Variants in BRPF1 observed in about 807,000 individuals in gnomAD.
BRPF1 encodes the protein bromodomain and PHD finger containing 1, also known as peregrin.
Under a neutral mutation model 115.0 loss-of-function variants are expected in BRPF1, and 15 were observed. The ratio of observed to expected loss-of-function variants is 0.13; its 90% confidence interval spans 0.09 to 0.20. The LOEUF (loss-of-function observed/expected upper bound fraction) is 0.20, where lower values mean the gene tolerates loss of function less well. Among genes scored for constraint, BRPF1 ranks in the 10% least tolerant of loss-of-function variants. BRPF1 has a pLI of 1.00. For synonymous variants in BRPF1, 647 were observed against 619.8 expected (o/e 1.04, Z -0.65); for missense variants, 1,118 against 1,638.3 (o/e 0.68, Z 5.48).
Position 9,734,245 on chromosome 3 carries a change from C to T in BRPF1, c.105C>T (p.Tyr35=), listed in dbSNP as rs773828051. 5.0e-6 allele frequency: 8 copies of T among 1,614,004 alleles called. No homozygotes were observed. Among genetic ancestry groups the T allele is most frequent in the East Asian group, 4.5e-5 (2 of 44,898 alleles). Residue 35 remains tyrosine (Y), a synonymous_variant, in exon 2 of 14, where the codon TAC becomes TAT. Coordinates refer to ENST00000383829, the MANE Select transcript of BRPF1 (RefSeq NM_001003694.2). This position sits in a 1 kb window ranked among gnomAD's most constrained non-coding sequence, Gnocchi z 5.7. ...CCTGCCGAAAGGTCTACAAGAGTTA[C>T]AGTGGTATTGAGTACCACCTGTACC... ...VETCRKVYKS[Y]SGIEYHLYHY...
At chr3:9,737,463 A>C (rs898295364) in intron 2 of BRPF1, among the ~76,000 whole-genome samples, 2 of 152,214 alleles carry the variant, frequency 1.3e-5, no homozygotes, top group African/African-American at 2.4e-5. Flanking sequence ...TAGCATCACC[A>C]CTTTACAGAT....
In BRPF1 at chr3:9,743,588, A is replaced by G; in HGVS notation, c.2322A>G (p.Glu774=). 1 of 1,612,730 alleles carries G rather than the reference A, an allele frequency of 6.2e-7. No homozygotes were observed. Among genetic ancestry groups the G allele is most frequent in the Non-Finnish European group, 8.5e-7 (1 of 1,179,100 alleles). The change falls in exon 8 of 14, where the codon GAA becomes GAG. Residue 774 remains glutamate (E), a synonymous_variant. Transcript: ENST00000383829. The surrounding 1 kb of genome is among the most constrained non-coding windows in gnomAD (Gnocchi z 6.1). ...CAACCCTACCCCTAGCAGCCGAGGA[A>G]GAGCGGCTGGTCTTGCTGGAGAACC... ...ATHHTEDAAE[E]ERLVLLENQK...
intron 4 of BRPF1, 137 bp from the exon 5 acceptor site, chr3:9,741,169 GAC>G: frequency 8.6e-7 from 1 of 1,157,248 alleles, no homozygotes; most frequent in Non-Finnish European, 1.2e-6. Flanking sequence ...AGGCCTTGGG[GAC>G]ACACAGATTG....
chr3:9,744,557 A>G (rs2077090396), intron 9 of BRPF1, 49 bp downstream of exon 9: 2 of 1,371,996 alleles, frequency 1.5e-6, no homozygotes, highest in East Asian at 4.9e-5. Flanking sequence ...CAAAGCTGCC[A>G]TTCTTCCCAG....
Position 9,744,519 on chromosome 3 carries a change from CCAT to C in BRPF1, c.2920+14_2920+16del. ...AAGACCCCCCAATGGGTGAGCCTTA[CCAT>C]CACCCAGCCCCCCAAGAGAGTGAGC... On this transcript the variant is annotated intron_variant, in intron 9 of 13. Transcript: ENST00000383829. 1 of 1,500,192 alleles carries C rather than the reference CCAT, an allele frequency of 6.7e-7. No individual in the cohort carries two copies. The highest frequency in any genetic ancestry group is 8.9e-7 in the Non-Finnish European group (1 of 1,125,062). The allele number at this position is 1,500,192 out of a possible 1,614,324, so 92.9% of individuals were successfully genotyped here.
Position 9,741,427 on chromosome 3 carries a change from CA to C in BRPF1, c.1846del (p.Arg616GlyfsTer15). On this transcript the variant is annotated frameshift_variant, in exon 5 of 14. Transcript: ENST00000383829. LOFTEE classifies it high-confidence loss of function. The part of the protein sequence containing the change: ...VELIRKREKL[K>X]RETIKVQQIA... ...AATTGATCCGCAAGCGGGAAAAACT[CA>C]AAAGGGAGACGGTGAGTGCTCCTGG... 1.3e-6 allele frequency: 2 copies of C among 1,596,432 alleles called. No individual in the cohort carries two copies. The highest frequency in any genetic ancestry group is 2.3e-5 in the East Asian group (1 of 44,300).
At position 9,739,837 on chromosome 3, in the gene BRPF1, T is replaced by G. The variant is rs1260547847; in HGVS notation, c.1438T>G (p.Ser480Ala). Residue 480 changes from serine to alanine, a missense_variant, in exon 3 of 14, where the codon TCA becomes GCA. By Grantham distance (99) the Ser-to-Ala change is moderately conservative. This residue lies in a region of BRPF1 where 87 missense variants were observed against 93.4 expected (regional missense o/e 0.93). Coordinates refer to ENST00000383829, the MANE Select transcript of BRPF1 (RefSeq NM_001003694.2). ...GGAGGATGAGGGTAAGGGCTGGAGC[T>G]CAGAGAAAGTCAAGAAGGCCAAGGC... is the stretch of plus-strand genomic sequence containing the variant. ...EEEDEGKGWSSEKVKKAKAKS... is the reference protein window; with the variant it reads ...EEEDEGKGWSAEKVKKAKAKS... 1 of 1,597,194 alleles carries G rather than the reference T, an allele frequency of 6.3e-7. No homozygotes were observed. The highest frequency in any genetic ancestry group is 8.5e-7 in the Non-Finnish European group (1 of 1,171,782).
rs1575164647 is a variant in BRPF1 at position 9,744,026 on chromosome 3, A to G, written c.2635+125A>G. ...CACAGCTAGCTGTACTTTCTCCCTC[A>G]TTCCCCAATCAGGGGCCTCTTAGCT... On this transcript the variant is annotated intron_variant, in intron 8 of 13. Coordinates refer to ENST00000383829, the MANE Select transcript of BRPF1 (RefSeq NM_001003694.2). 1.7e-5 allele frequency: 23 copies of G among 1,331,762 alleles called. No homozygotes were observed. In the East Asian group the frequency reaches 5.5e-4, roughly 32 times the overall value. 82.5% of individuals were successfully genotyped at this position (1,331,762 alleles called of 1,614,324 possible). A position where few individuals can be genotyped will look rare whatever the true frequency, so the allele number is the denominator to read the frequency against.
rs374269970 is a variant in BRPF1, at chr3:9,747,375, A to G, written c.*26A>G. ...TACTGCTCAACACAGCCCAACCTAT[A>G]GTGCCCTGTGACTTCTCTCCTCCCC... On this transcript the variant is annotated 3_prime_UTR_variant, in exon 14 of 14. Coordinates refer to ENST00000383829, the MANE Select transcript of BRPF1 (RefSeq NM_001003694.2). This position sits in a 1 kb window ranked among gnomAD's most constrained non-coding sequence, Gnocchi z 5.6. The G allele has an allele frequency of 1.9e-6, 3 of 1,604,860 alleles. No homozygotes were observed. Among genetic ancestry groups the G allele is most frequent in the East Asian group, 2.2e-5 (1 of 44,662 alleles).
Position 9,745,495 on chromosome 3 carries a change from TAA to T in BRPF1, c.3069-77_3069-76del. On this transcript the variant is annotated intron_variant, in intron 10 of 13. Transcript: ENST00000383829. This position sits in a 1 kb window ranked among gnomAD's most constrained non-coding sequence, Gnocchi z 5.1. ...CAAAAGTCTCAGACCCTGCGGGCTT[TAA>T]GAGCTGAGGGCACATACCATGCTGT... is the stretch of plus-strand genomic sequence containing the variant. The T allele has an allele frequency of 1.3e-6, 2 of 1,524,962 alleles. No individual in the cohort carries two copies. The highest frequency in any genetic ancestry group is 2.3e-5 in the South Asian group (2 of 87,528). The allele number at this position is 1,524,962 out of a possible 1,614,324, so 94.5% of individuals were successfully genotyped here.
chr3:9,739,805 A>G lies in BRPF1; in HGVS notation c.1406A>G (p.Asp469Gly). ...LSHSEGEEDE[D>G]EEEDEGKGWS... The stretch of plus-strand genomic sequence containing the variant: ...CACAGCGAGGGTGAGGAGGATGAAG[A>G]TGAGGAGGAGGATGAGGGTAAGGGC... The change falls in exon 3 of 14, where the codon GAT (aspartate) becomes GGT (glycine). Residue 469 changes from aspartate (D) to glycine (G), a missense_variant. Transcript: ENST00000383829. The G allele has an allele frequency of 6.2e-7, 1 of 1,611,816 alleles. No individual in the cohort carries two copies. Among genetic ancestry groups the G allele is most frequent in the Non-Finnish European group, 8.5e-7 (1 of 1,178,910 alleles).
chr3:9,732,976 T>G (rs1388731601), intron 1 of BRPF1, among the ~76,000 whole-genome samples: 1 of 152,030 alleles, frequency 6.6e-6, no homozygotes, highest in Non-Finnish European at 1.5e-5. Context: ...CACCCAGGAA[T>G]GTTGGGGAGC....
At chr3:9,737,846 A>T (rs1456526602) in intron 2 of BRPF1, among the ~76,000 whole-genome samples, 1 of 152,132 alleles carries the variant, frequency 6.6e-6, no homozygotes, top group African/African-American at 2.4e-5. Context: ...TATATAAATA[A>T]ATGTAAAGGC....
At position 9,734,506 on chromosome 3, in the gene BRPF1, TGAGGAAGCCCCC is replaced by T; in HGVS notation, c.372_383del (p.Glu128_Glu131del). ...ACAACCTGGATGTGGTGTCAGAGGA[TGAGGAAGCCCCC>T]GAGGAGGCCCCTGAGAATGGCAGCA... On this transcript the variant is annotated inframe_deletion, in exon 2 of 14. Coordinates refer to ENST00000383829, the MANE Select transcript of BRPF1 (RefSeq NM_001003694.2). This position sits in a 1 kb window ranked among gnomAD's most constrained non-coding sequence, Gnocchi z 5.7. 1.9e-6 allele frequency: 3 copies of T among 1,614,030 alleles called. No individual in the cohort carries two copies. The highest frequency in any genetic ancestry group is 2.5e-6 in the Non-Finnish European group (3 of 1,180,024).
At position 9,743,710 on chromosome 3, in the gene BRPF1, C is replaced by A; in HGVS notation, c.2444C>A (p.Ala815Glu). 9.3e-6 allele frequency: 15 copies of A among 1,614,162 alleles called. No homozygotes were observed. Among genetic ancestry groups the A allele is most frequent in the Non-Finnish European group, 1.2e-5 (14 of 1,180,028 alleles). ...SKQSVGRSRR[A>E]KMIKKEMTAL... ...CAGAGTGTGGGCCGCTCACGGCGTGCAAAGATGATCAAGAAAGAGATGACG... is the reference window on the plus strand; with the variant it reads ...CAGAGTGTGGGCCGCTCACGGCGTGAAAAGATGATCAAGAAAGAGATGACG... Residue 815 changes from alanine (A) to glutamate (E), a missense_variant, in exon 8 of 14, where the codon GCA becomes GAA. This residue lies in a region of BRPF1 where 223 missense variants were observed against 240.7 expected (regional missense o/e 0.93). Transcript: ENST00000383829. This position sits in a 1 kb window ranked among gnomAD's most constrained non-coding sequence, Gnocchi z 6.1.
Position 9,741,453 on chromosome 3 carries a change from G to C in BRPF1, c.1854+14G>C, listed in dbSNP as rs759995460. The C allele has an allele frequency of 1.3e-6, 2 of 1,556,020 alleles. No homozygotes were observed. Among genetic ancestry groups the C allele is most frequent in the Non-Finnish European group, 1.7e-6 (2 of 1,151,986 alleles). On this transcript the variant is annotated intron_variant, in intron 5 of 13. Coordinates refer to ENST00000383829, the MANE Select transcript of BRPF1 (RefSeq NM_001003694.2). ...AAAAGGGAGACGGTGAGTGCTCCTG[G>C]GCCAGCCCTATTTTATAAAAGAAAA...
intron 2 of BRPF1, among the ~76,000 whole-genome samples, chr3:9,737,554 G>T (rs2076962825): frequency 6.6e-6 from 1 of 152,260 alleles, no homozygotes; most frequent in African/African-American, 2.4e-5. Flanking sequence ...GAGCCTGTGT[G>T]TGCTGGCCCA....
At chr3:9,736,257 C>T (rs1454296319) in intron 2 of BRPF1, among the ~76,000 whole-genome samples, 2 of 152,182 alleles carry the variant, frequency 1.3e-5, no homozygotes. Context: ...CCACCCGCCT[C>T]AGCCTCCCAA....
Position 9,738,986 on chromosome 3 carries a change from G to C in BRPF1, c.600-13G>C. 1 of 1,537,384 alleles carries C rather than the reference G, an allele frequency of 6.5e-7. No homozygotes were observed. Among genetic ancestry groups the C allele is most frequent in the Non-Finnish European group, 8.8e-7 (1 of 1,141,662 alleles). On this transcript the variant is annotated splice_polypyrimidine_tract_variant and intron_variant, in intron 2 of 13. Coordinates refer to ENST00000383829, the MANE Select transcript of BRPF1 (RefSeq NM_001003694.2). The stretch of plus-strand genomic sequence containing the variant: ...TCAACCATGTGATGCTGAGTTCCCT[G>C]TTTGTACCGTAGGTACATCGAGAAG...
Sources: allele counts gnomAD v4.1 joint callset (sites outside exome capture counted in the v4.1 genomes callset), GRCh38; gene constraint gnomAD v4.1.1; regional missense constraint gnomAD v4.1.1; non-coding constraint Gnocchi (gnomAD v3.1); transcripts MANE v1.5; gene names NCBI Gene and HGNC (gene_info 2026-07-23, HGNC 2026-07-21).